The following CHD3 variants were observed in gnomAD, a reference collection of about 807,000 sequenced individuals.
CHD3 encodes the protein ATP-dependent chromatin remodeler CHD3.
A neutral mutation model predicts 248.9 loss-of-function variants in CHD3; 52 were observed. The observed-to-expected ratio is 0.21, with a 90% CI of 0.17 to 0.26. CHD3 has a LOEUF of 0.26. CHD3 is among the 10% of genes least tolerant of loss of function. CHD3 has a pLI of 1.00. For missense variants in CHD3, 1,482 were observed against 2,605.8 expected, an observed-to-expected ratio of 0.57 and a Z score of 9.39; for synonymous variants, 985 against 985.2, an observed-to-expected ratio of 1.00 and a Z score of 0.00.
rs749482090 is a variant in CHD3 at position 7,904,429 on chromosome 17, T to C, written c.3895-13T>C. 3 of 1,609,364 alleles carry C rather than the reference T, an allele frequency of 1.9e-6. No homozygotes were observed. In the South Asian group the frequency reaches 3.3e-5, roughly 18 times the overall value. On this transcript the variant is annotated splice_polypyrimidine_tract_variant and intron_variant, in intron 24 of 39. Transcript: ENST00000330494. The surrounding 1 kb of genome is among the most constrained non-coding windows in gnomAD (Gnocchi z 4.4). The stretch of plus-strand genomic sequence containing the variant: ...GGAGACCCCCAGTGTTCATTCATTC[T>C]GTTGCCCTTCAGATTGAGGAAATTG...
Position 7,897,131 on chromosome 17 carries a change from G to A in CHD3, c.1756G>A (p.Asp586Asn). The change falls in exon 11 of 40, where the codon GAC (aspartate) becomes AAC (asparagine). Residue 586 changes from aspartate to asparagine, a missense_variant. By Grantham distance (23) the Asp-to-Asn change is conservative (BLOSUM62 1). This residue lies in a region of CHD3 where 14 missense variants were observed against 58.6 expected (regional missense o/e 0.24). Coordinates refer to ENST00000330494, the MANE Select transcript of CHD3 (RefSeq NM_001005273.3). This position sits in a 1 kb window ranked among gnomAD's most constrained non-coding sequence, Gnocchi z 4.8. ...GTATCGAAACTACCAGCGGAAGAATGACATGGATGAGCCCCCACCCCTGGA... is the reference window on the plus strand; with the variant it reads ...GTATCGAAACTACCAGCGGAAGAATAACATGGATGAGCCCCCACCCCTGGA... ...VMYRNYQRKNDMDEPPPLDYG... is the reference protein window; with the variant it reads ...VMYRNYQRKNNMDEPPPLDYG... The A allele has an allele frequency of 6.2e-7, 1 of 1,614,202 alleles. No individual in the cohort carries two copies. The highest frequency in any genetic ancestry group is 8.5e-7 in the Non-Finnish European group (1 of 1,180,028).
In CHD3 at chr17:7,906,869, G is replaced by C; in HGVS notation, c.4504G>C (p.Val1502Leu). ...IGVMSLVKKK[V>L]QEFEHINGRW... ...TAACCCTCCCACCCTGCCACCCCAG[G>C]TGCAGGAGTTTGAGCACATCAATGG... is the stretch of plus-strand genomic sequence containing the variant. The change falls in exon 30 of 40, where the codon GTG becomes CTG. Residue 1502 changes from valine (V) to leucine (L), a missense_variant and splice_region_variant. By Grantham distance (32) the Val-to-Leu change is conservative. Transcript: ENST00000330494. This position sits in a 1 kb window ranked among gnomAD's most constrained non-coding sequence, Gnocchi z 5.0. 1 of 1,614,020 alleles carries C rather than the reference G, an allele frequency of 6.2e-7. No individual in the cohort carries two copies. Among genetic ancestry groups the C allele is most frequent in the Non-Finnish European group, 8.5e-7 (1 of 1,179,982 alleles).
At chr17:7,894,067 G>A (rs1398240187) in intron 6 of CHD3, 48 bp from the exon 7 acceptor site, 14 of 1,463,486 alleles carry the variant, frequency 9.6e-6, no homozygotes, top group South Asian at 1.3e-5. Flanking sequence ...GCCTGGGGAG[G>A]GCGTAGAATG....
Position 7,908,917 on chromosome 17 carries a change from C to T in CHD3, c.5394+88C>T. 1.3e-6 allele frequency: 2 copies of T among 1,552,866 alleles called. No homozygotes were observed. The highest frequency in any genetic ancestry group is 8.8e-7 in the Non-Finnish European group (1 of 1,131,060). ...CTAGTTGGAACCTAGGGAAGGTTAACACCTTCAGGGCTGAGGTGATACCTG... is the reference window on the plus strand; with the variant it reads ...CTAGTTGGAACCTAGGGAAGGTTAATACCTTCAGGGCTGAGGTGATACCTG... On this transcript the variant is annotated intron_variant, in intron 36 of 39. Coordinates refer to ENST00000330494, the MANE Select transcript of CHD3 (RefSeq NM_001005273.3). The surrounding 1 kb of genome is among the most constrained non-coding windows in gnomAD (Gnocchi z 5.8).
Position 7,895,251 on chromosome 17 carries a change from C to T in CHD3, c.1504-88C>T, listed in dbSNP as rs746207754. On this transcript the variant is annotated intron_variant, in intron 9 of 39. Transcript: ENST00000330494. This position sits in a 1 kb window ranked among gnomAD's most constrained non-coding sequence, Gnocchi z 4.9. Reference sequence around the variant, plus strand: ...AGCTTTTCATTTCTCTGCACTCCCCCACCCTTGTGGGACCCCTATCTTCTC... The same window carrying T: ...AGCTTTTCATTTCTCTGCACTCCCCTACCCTTGTGGGACCCCTATCTTCTC... 96 of 1,581,766 alleles carry T rather than the reference C, an allele frequency of 6.1e-5. No individual in the cohort carries two copies. Among genetic ancestry groups the T allele is most frequent in the Admixed American group, 4.4e-4 (26 of 58,604 alleles).
intron 13 of CHD3, 25 bp from the exon 14 acceptor site, chr17:7,898,986 G>A: frequency 1.9e-6 from 3 of 1,609,232 alleles, no homozygotes; most frequent in East Asian, 4.5e-5. Context: ...ATTTCCTTGA[G>A]CTTTCTGACT....
At position 7,909,249 on chromosome 17, in the gene CHD3, C is replaced by T. The variant is rs1470988757; in HGVS notation, c.5501C>T (p.Ala1834Val). The change falls in exon 37 of 40, where the codon GCC becomes GTC. Residue 1834 changes from alanine (A) to valine (V), a missense_variant. Physicochemically the swap from Ala to Val is moderately conservative, Grantham distance 64 (BLOSUM62 0). Around this residue, in one of 20 missense-constraint regions of CHD3, gnomAD observed 83 missense variants for 181.0 expected, o/e 0.46. Coordinates refer to ENST00000330494, the MANE Select transcript of CHD3 (RefSeq NM_001005273.3). The surrounding 1 kb of genome is among the most constrained non-coding windows in gnomAD (Gnocchi z 8.1). Reference protein sequence around the residue: ...HPAMALHARFAEAECLAESHQ... With the variant: ...HPAMALHARFVEAECLAESHQ... ...GCCATGGCCCTCCACGCCCGCTTCG[C>T]CGAGGCCGAGTGCCTGGCCGAGAGC... 6.4e-7 allele frequency: 1 copy of T among 1,553,824 alleles called. No individual in the cohort carries two copies.
At chr17:7,901,054 T>G (rs1970239663) in intron 19 of CHD3, 61 bp downstream of exon 19, 3 of 1,580,142 alleles carry the variant, frequency 1.9e-6, no homozygotes, top group African/African-American at 2.7e-5. Flanking sequence ...GGGTGGGGAG[T>G]AGTGGGGAGG....
intron 8 of CHD3, 31 bp downstream of exon 8, chr17:7,894,639 C>T (rs1969386035): frequency 1.9e-6 from 3 of 1,585,536 alleles, no homozygotes; most frequent in Middle Eastern, 1.7e-4. Flanking sequence ...TCTGATGGCC[C>T]TGAGGAACCC....
At position 7,888,938 on chromosome 17, in the gene CHD3, G is replaced by A. The variant is rs988821680; in HGVS notation, c.-63G>A. The A allele has an allele frequency of 9.9e-6, 16 of 1,610,830 alleles. No individual in the cohort carries two copies. Among genetic ancestry groups the A allele is most frequent in the Non-Finnish European group, 1.2e-5 (14 of 1,178,042 alleles). On this transcript the variant is annotated 5_prime_UTR_variant, in exon 1 of 40. Coordinates refer to ENST00000330494, the MANE Select transcript of CHD3 (RefSeq NM_001005273.3). ...CAGGGAGATGGGAATAGAATTGAAG[G>A]TAGGTTTTAGGCTACTTGGGAGGAG...
chr17:7,888,793 CT>C lies in CHD3; in HGVS notation c.-205del. Reference sequence around the variant, plus strand: ...TGGGTGTGTCTGTCTGTGCCTATATCTTTGTTTGGGTCTCCCATACTGCGTA... The same window carrying C: ...TGGGTGTGTCTGTCTGTGCCTATATCTTGTTTGGGTCTCCCATACTGCGTA... On this transcript the variant is annotated 5_prime_UTR_variant, in exon 1 of 40. Transcript: ENST00000330494. 7.1e-7 allele frequency: 1 copy of C among 1,417,400 alleles called. No homozygotes were observed. Among genetic ancestry groups the C allele is most frequent in the South Asian group, 1.5e-5 (1 of 64,678 alleles). The allele number at this position is 1,417,400 out of a possible 1,614,324, so 87.8% of individuals were successfully genotyped here. A position where few individuals can be genotyped will look rare whatever the true frequency, so the allele number is the denominator to read the frequency against.
chr17:7,910,604 C>T lies in CHD3; in HGVS notation c.5754+13C>T. 6.3e-7 allele frequency: 1 copy of T among 1,599,102 alleles called. No individual in the cohort carries two copies. Among genetic ancestry groups the T allele is most frequent in the Non-Finnish European group, 8.5e-7 (1 of 1,173,740 alleles). The stretch of plus-strand genomic sequence containing the variant: ...TCACCCCACACCGGTAACCCTCTTT[C>T]CCCCTAGCTCCAGTTTTCCCTGTTT... On this transcript the variant is annotated intron_variant, in intron 38 of 39. Coordinates refer to ENST00000330494, the MANE Select transcript of CHD3 (RefSeq NM_001005273.3). This position sits in a 1 kb window ranked among gnomAD's most constrained non-coding sequence, Gnocchi z 4.7.
At position 7,911,496 on chromosome 17, in the gene CHD3, A is replaced by G. The variant is rs768910172; in HGVS notation, c.5914A>G (p.Lys1972Glu). ...ATNGPPVLVK[K>E]EKEMVGALVS... The stretch of plus-strand genomic sequence containing the variant: ...CAACGGCCCTCCAGTGCTTGTGAAG[A>G]AGGAGAAGGAAATGGTGGGGGCATT... Residue 1972 changes from lysine (K) to glutamate (E), a missense_variant, in exon 40 of 40, where the codon AAG becomes GAG. Transcript: ENST00000330494. This position sits in a 1 kb window ranked among gnomAD's most constrained non-coding sequence, Gnocchi z 5.4. 8 of 1,614,194 alleles carry G rather than the reference A, an allele frequency of 5.0e-6. No individual in the cohort carries two copies. The highest frequency in any genetic ancestry group is 1.7e-5 in the Admixed American group (1 of 60,032).
At position 7,899,218 on chromosome 17, in the gene CHD3, A is replaced by G. The variant is rs939190398; in HGVS notation, c.2343+16A>G. On this transcript the variant is annotated intron_variant, in intron 14 of 39. Coordinates refer to ENST00000330494, the MANE Select transcript of CHD3 (RefSeq NM_001005273.3). The surrounding 1 kb of genome is among the most constrained non-coding windows in gnomAD (Gnocchi z 6.8). ...CTACAAGGAGGTGCTGGATTCTAGG[A>G]CCTTGAAGGGGACCGCCTGGACTGG... 3 of 1,609,772 alleles carry G rather than the reference A, an allele frequency of 1.9e-6. No individual in the cohort carries two copies. The highest frequency in any genetic ancestry group is 2.5e-6 in the Non-Finnish European group (3 of 1,176,692).
intron 2 of CHD3, 116 bp from the exon 3 acceptor site, chr17:7,890,455 A>G (rs1322024237): frequency 1.4e-6 from 1 of 712,602 alleles, no homozygotes; most frequent in Non-Finnish European, 2.2e-6. Context: ...ATAAAAAATT[A>G]GTTACTATCA....
chr17:7,894,095 G>C lies in CHD3; in HGVS notation c.925-20G>C, dbSNP rs374961455. 5 of 1,605,332 alleles carry C rather than the reference G, an allele frequency of 3.1e-6. No homozygotes were observed. The African/African-American group carries it at 6.7e-5, about 22-fold the overall frequency. On this transcript the variant is annotated intron_variant, in intron 6 of 39. Coordinates refer to ENST00000330494, the MANE Select transcript of CHD3 (RefSeq NM_001005273.3). ...GTAGAATGAAGTCTGCCTCACTGAC[G>C]GCCACGGGGCTATGGGCAGTATGTT... is the stretch of plus-strand genomic sequence containing the variant.
At position 7,912,028 on chromosome 17, in the gene CHD3, GGAGGGGGACTTTAGA is replaced by G. The variant is rs1971724011; in HGVS notation, c.*449_*463del. 3.3e-6 allele frequency: 1 copy of G among 304,208 alleles called. No homozygotes were observed. The highest frequency in any genetic ancestry group is 2.2e-5 in the African/African-American group (1 of 44,842). 18.8% of individuals were successfully genotyped at this position (304,208 alleles called of 1,614,324 possible). The stretch of plus-strand genomic sequence containing the variant: ...TGTGGGGAAGAGAGCTTTGAAGAGA[GGAGGGGGACTTTAGA>G]GAGGGATGAAAATGAGCCCTGGGAG... On this transcript the variant is annotated 3_prime_UTR_variant, in exon 40 of 40. Coordinates refer to ENST00000330494, the MANE Select transcript of CHD3 (RefSeq NM_001005273.3).
Position 7,895,035 on chromosome 17 carries a change from A to G in CHD3, c.1388A>G (p.Lys463Arg). The G allele has an allele frequency of 1.9e-6, 3 of 1,614,146 alleles. No individual in the cohort carries two copies. The highest frequency in any genetic ancestry group is 1.1e-5 in the South Asian group (1 of 91,086). ...DDHMEYCRVC[K>R]DGGELLCCDA... ...CACATGGAGTACTGCCGCGTATGCA[A>G]GGACGGCGGGGAGCTCCTGTGCTGT... The change falls in exon 9 of 40, where the codon AAG becomes AGG. Residue 463 changes from lysine (K) to arginine (R), a missense_variant. Lys to Arg is a conservative substitution (Grantham distance 26). Around this residue, in one of 20 missense-constraint regions of CHD3, gnomAD observed 138 missense variants for 241.1 expected, o/e 0.57. Transcript: ENST00000330494. The surrounding 1 kb of genome is among the most constrained non-coding windows in gnomAD (Gnocchi z 4.9).
chr17:7,898,013 G>A lies in CHD3; in HGVS notation c.1962G>A (p.Arg654=). ...ATTACCACTATCTAGTAAAATGGAG[G>A]GACTTACCATATGACCAGTCCACGT... ...KGNYHYLVKW[R]DLPYDQSTWE... Residue 654 remains arginine (R), a synonymous_variant, in exon 12 of 40, where the codon AGG becomes AGA. Coordinates refer to ENST00000330494, the MANE Select transcript of CHD3 (RefSeq NM_001005273.3). 2 of 1,613,950 alleles carry A rather than the reference G, an allele frequency of 1.2e-6. No individual in the cohort carries two copies. Among genetic ancestry groups the A allele is most frequent in the East Asian group, 2.2e-5 (1 of 44,890 alleles).
Sources: gnomAD v4.1 joint callset for allele counts on GRCh38, gnomAD v4.1.1 for gene constraint, gnomAD v4.1.1 regional missense constraint, Gnocchi (gnomAD v3.1) non-coding constraint, MANE v1.5 for transcripts, NCBI Gene and HGNC (gene_info 2026-07-23, HGNC 2026-07-21) for gene names.